The following DAAM2 variants were observed in gnomAD, a reference collection of about 807,000 sequenced individuals.
DAAM2 encodes the protein disheveled-associated activator of morphogenesis 2.
In DAAM2, 39 loss-of-function variants were observed where a neutral mutation model predicts 120.7. The observed-to-expected ratio is 0.32, with a 90% CI of 0.25 to 0.42. DAAM2 has a LOEUF of 0.42. DAAM2 is among the 10% of genes least tolerant of loss of function. DAAM2 has a pLI of 1.00. For missense variants in DAAM2, 1,283 were observed against 1,401.7 expected (o/e 0.92, Z 1.35); for synonymous variants, 488 against 524.9 (o/e 0.93, Z 0.96).
intron 1 of DAAM2, among the ~76,000 whole-genome samples, chr6:39,833,774 A>G (rs1763004480): frequency 6.6e-6 from 1 of 152,244 alleles, no homozygotes; most frequent in African/African-American, 2.4e-5. Context: ...CAAGAAAAGA[A>G]AGAAAAGGAA....
chr6:39,868,173 G>A (rs1043936866), intron 6 of DAAM2: 54 of 342,050 alleles, frequency 1.6e-4, no homozygotes, highest in African/African-American at 1.0e-3. Context: ...TCATGATAGG[G>A]GCTCAGTCAA....
intron 17 of DAAM2, 147 bp from the exon 18 acceptor site, chr6:39,891,194 G>C (rs1765693058): frequency 1.6e-6 from 1 of 610,160 alleles, no homozygotes; most frequent in South Asian, 2.0e-5. Flanking sequence ...CCTTCAGGCA[G>C]ATGAAAGAAA....
intron 1 of DAAM2, among the ~76,000 whole-genome samples, chr6:39,834,373 A>T (rs1763026279): frequency 6.6e-6 from 1 of 152,104 alleles, no homozygotes; most frequent in African/African-American, 2.4e-5. Context: ...ACTGCACTGG[A>T]GAAAAAGTGT....
At chr6:39,873,855 A>T (rs1199709484) in intron 10 of DAAM2, among the ~76,000 whole-genome samples, 2 of 152,226 alleles carry the variant, frequency 1.3e-5, no homozygotes, top group Non-Finnish European at 2.9e-5. Flanking sequence ...ATGGGAGCAG[A>T]TGGCTAAGTT....
In DAAM2 at chr6:39,855,525, C is replaced by G. The variant is rs183563131; in HGVS notation, c.-56-722C>G. On this transcript the variant is annotated intron_variant, in intron 1 of 24. Transcript: ENST00000274867. ...GTCAAATACCATTCCAATGATCAGT[C>G]CTATTTCTGTACCCAGGCTTCGCTC... is the stretch of plus-strand genomic sequence containing the variant. Among the ~76,000 whole-genome samples, 167 of 152,266 alleles carry G rather than the reference C, an allele frequency of 1.1e-3. 1 individual carries two copies. The East Asian group carries it at 0.016, about 14-fold the overall frequency.
At chr6:39,844,375 C>A (rs1424827926) in intron 1 of DAAM2, among the ~76,000 whole-genome samples, 1 of 151,150 alleles carries the variant, frequency 6.6e-6, no homozygotes, top group Admixed American at 6.6e-5. Context: ...CTGCTGGACA[C>A]ACACACACAC....
intron 2 of DAAM2, among the ~76,000 whole-genome samples, chr6:39,857,317 G>A (rs1764047346): frequency 6.6e-6 from 1 of 152,234 alleles, no homozygotes; most frequent in Non-Finnish European, 1.5e-5. Flanking sequence ...AGCCAGTAAA[G>A]AAACAAGGCC....
chr6:39,904,525 C>T lies in DAAM2; in HGVS notation c.*2488C>T, dbSNP rs757660047. The T allele has an allele frequency of 6.8e-5, 31 of 454,174 alleles. No homozygotes were observed. Among genetic ancestry groups the T allele is most frequent in the Non-Finnish European group, 1.3e-4 (30 of 226,970 alleles). 28.1% of individuals were successfully genotyped at this position (454,174 alleles called of 1,614,324 possible). On this transcript the variant is annotated 3_prime_UTR_variant, in exon 25 of 25. Transcript: ENST00000274867. Reference sequence around the variant, plus strand: ...CTAATTTTGTGGCCAATGTAAAATTCGTCATCAACCTAACAAACACAACCT... The same window carrying T: ...CTAATTTTGTGGCCAATGTAAAATTTGTCATCAACCTAACAAACACAACCT...
chr6:39,885,722 A>G (rs934912795), intron 15 of DAAM2: 2 of 152,154 alleles, frequency 1.3e-5, no homozygotes, highest in African/African-American at 4.8e-5. Flanking sequence ...CAGCAGCAGG[A>G]CTGGAGAGAT....
rs75638659 is a variant in DAAM2, at chr6:39,873,214, T to A, written c.1045-24T>A. On this transcript the variant is annotated intron_variant, in intron 9 of 24. Transcript: ENST00000274867. ...ACTTCCTCTGCTGCCTACCCACTGA[T>A]CACTGTGCCCTCTTCTCTCCCAGGT... The A allele has an allele frequency of 1.5e-3, 2,191 of 1,494,420 alleles. 27 individuals carry two copies. In the African/African-American group the frequency reaches 0.026, roughly 18 times the overall value. 92.6% of individuals were successfully genotyped at this position (1,494,420 alleles called of 1,614,324 possible).
chr6:39,863,285 C>T (rs1444482480), intron 3 of DAAM2, among the ~76,000 whole-genome samples: 1 of 152,058 alleles, frequency 6.6e-6, no homozygotes, highest in Non-Finnish European at 1.5e-5. Context: ...GCTGATTCCC[C>T]TCCCCAAGGC....
intron 1 of DAAM2, among the ~76,000 whole-genome samples, chr6:39,798,957 C>G (rs1761780986): frequency 6.6e-6 from 1 of 152,132 alleles, no homozygotes; most frequent in Non-Finnish European, 1.5e-5. Context: ...AGTCAAATTG[C>G]ATTGTAGAAT....
At chr6:39,898,450 C>G (rs1334500397) in intron 21 of DAAM2, among the ~76,000 whole-genome samples, 1 of 152,200 alleles carries the variant, frequency 6.6e-6, no homozygotes, top group Non-Finnish European at 1.5e-5. Context: ...ACACGAACAT[C>G]TAGGCTGATA....
At position 39,898,873 on chromosome 6, in the gene DAAM2, A is replaced by G; in HGVS notation, c.2619-4A>G. 6.2e-7 allele frequency: 1 copy of G among 1,611,438 alleles called. No homozygotes were observed. The highest frequency in any genetic ancestry group is 8.5e-7 in the Non-Finnish European group (1 of 1,178,678). ...CATTCCCTTCCCTCTGTGTCTCCTT[A>G]CAGCCTAGCAGAACTGGAGAAGGAG... On this transcript the variant is annotated splice_polypyrimidine_tract_variant and splice_region_variant and intron_variant, in intron 21 of 24. Transcript: ENST00000274867.
At chr6:39,881,511 G>A (rs1414186468) in intron 14 of DAAM2, among the ~76,000 whole-genome samples, 1 of 152,200 alleles carries the variant, frequency 6.6e-6, no homozygotes, top group East Asian at 1.9e-4. Context: ...AAGGTCAGGA[G>A]TTTGAGACCA....
chr6:39,815,567 T>G (rs1762282441), intron 1 of DAAM2, among the ~76,000 whole-genome samples: 1 of 151,830 alleles, frequency 6.6e-6, no homozygotes, highest in Non-Finnish European at 1.5e-5. Context: ...ACAGGAAACA[T>G]TAACTCTTAT....
At chr6:39,842,879 A>G (rs1157188441) in intron 1 of DAAM2, among the ~76,000 whole-genome samples, 1 of 151,796 alleles carries the variant, frequency 6.6e-6, no homozygotes, top group Admixed American at 6.6e-5. Context: ...GTGAGGGGTA[A>G]TGTTGAGAAT....
At chr6:39,825,738 G>A (rs1762650648) in intron 1 of DAAM2, among the ~76,000 whole-genome samples, 1 of 152,168 alleles carries the variant, frequency 6.6e-6, no homozygotes, top group Admixed American at 6.5e-5. Context: ...AGTGTACTGA[G>A]TGTACTCTTT....
intron 1 of DAAM2, among the ~76,000 whole-genome samples, chr6:39,850,038 C>T (rs1227266498): frequency 6.6e-6 from 1 of 152,092 alleles, no homozygotes; most frequent in Non-Finnish European, 1.5e-5. Context: ...TTCCCAGCCC[C>T]AGCCCCAGGG....
Sources: gnomAD v4.1 joint callset for allele counts (sites outside exome capture counted in the v4.1 genomes callset) on GRCh38, gnomAD v4.1.1 for gene constraint, MANE v1.5 for transcripts, NCBI Gene and HGNC (gene_info 2026-07-23, HGNC 2026-07-21) for gene names.